Variants in LRRC47 observed in about 807,000 individuals in gnomAD.
The protein encoded by LRRC47 is leucine rich repeat containing 47, also known as leucine-rich repeat-containing protein 47.
In LRRC47, 31 loss-of-function variants were observed where a neutral mutation model predicts 40.9. The ratio of observed to expected loss-of-function variants is 0.76; its 90% CI spans 0.57 to 1.02. The LOEUF is 1.02. Among genes scored for constraint, LRRC47 ranks in the 50% least tolerant of loss-of-function variants. The pLI, the probability that LRRC47 is intolerant of heterozygous loss-of-function variation, is 0.00. For missense variants in LRRC47, 726 were observed against 796.1 expected (o/e 0.91, Z 1.06); for synonymous variants, 427 against 371.9 (o/e 1.15, Z -1.70).
chr1:3,782,629 G>C, intron 5 of LRRC47, 32 bp downstream of exon 5: 6 of 1,229,440 alleles, frequency 4.9e-6, no homozygotes, highest in Non-Finnish European at 7.2e-6. Context: ...CAGCCTAGAA[G>C]ACACACCATG....
intron 1 of LRRC47, 152 bp downstream of exon 1, chr1:3,795,710 C>T: frequency 2.8e-6 from 3 of 1,058,306 alleles, no homozygotes; most frequent in Non-Finnish European, 2.6e-6. Flanking sequence ...GGGGTGATGC[C>T]CCCCGCAGCT....
At chr1:3,792,464 C>CATTTT in intron 1 of LRRC47, among the ~76,000 whole-genome samples, 1 of 142,418 alleles carries the variant, frequency 7.0e-6, no homozygotes, top group East Asian at 2.1e-4. Flanking sequence ...TGGACGCACA[C>CATTTT]TTTTTTTTTT....
chr1:3,787,004 G>C lies in LRRC47; in HGVS notation c.922C>G (p.Leu308Val). The change falls in exon 2 of 7, where the codon CTG (leucine) becomes GTG (valine). Residue 308 changes from leucine (L) to valine (V), a missense_variant. Transcript: ENST00000378251. Reference sequence around the variant, plus strand: ...TCAGAGACGTGCAGGACCCTGAGCAGCAGCCGGCCGGCATCTCCCACGTCC... The same window carrying C: ...TCAGAGACGTGCAGGACCCTGAGCACCAGCCGGCCGGCATCTCCCACGTCC... ...EQDVGDAGRL[L>V]LRVLHVSENP... The C allele has an allele frequency of 6.2e-7, 1 of 1,611,658 alleles. No individual in the cohort carries two copies. The highest frequency in any genetic ancestry group is 2.2e-5 in the East Asian group (1 of 44,778).
rs111453641 is a variant in LRRC47, at chr1:3,793,278, G to A, written c.615+2584C>T. The stretch of plus-strand genomic sequence containing the variant: ...AGGCATGTGCCACCATGCCCAGCTA[G>A]AGATGGGTTTCTCCATGTTGGTCAG... On this transcript the variant is annotated intron_variant, in intron 1 of 6. Transcript: ENST00000378251. 3.1e-3 allele frequency among the ~76,000 whole-genome samples: 475 copies of A among 152,124 alleles called. 1 individual carries two copies. Among genetic ancestry groups the A allele is most frequent in the African/African-American group, 0.011 (450 of 41,488 alleles).
intron 4 of LRRC47, among the ~76,000 whole-genome samples, chr1:3,783,529 C>T (rs1357164793): frequency 6.6e-6 from 1 of 151,854 alleles, no homozygotes; most frequent in Non-Finnish European, 1.5e-5. Flanking sequence ...CCAAGCATAA[C>T]AAGCTTCAAA....
rs1331394358 is a variant in LRRC47, at chr1:3,779,269, A to G, written c.*1819T>C. 6.6e-6 allele frequency: 1 copy of G among 152,268 alleles called. No homozygotes were observed. The highest frequency in any genetic ancestry group is 1.9e-4 in the East Asian group (1 of 5,202). 9.4% of individuals were successfully genotyped at this position (152,268 alleles called of 1,614,324 possible). A position where few individuals can be genotyped will look rare whatever the true frequency, so the allele number is the denominator to read the frequency against. ...AGGGCCCCGGGCCTCTCAGGTTGAC[A>G]ACTAAAGGTGTGTGGGCTGTGGGGC... On this transcript the variant is annotated 3_prime_UTR_variant, in exon 7 of 7. Coordinates refer to ENST00000378251, the MANE Select transcript of LRRC47 (RefSeq NM_020710.3).
At chr1:3,782,383 C>T (rs12122058) in intron 5 of LRRC47, among the ~76,000 whole-genome samples, 7,606 of 152,094 alleles carry the variant, frequency 0.05, 271 homozygotes, top group Middle Eastern at 0.12. Context: ...TATGCTCAGC[C>T]TTCCAGGTTC....
Position 3,796,488 on chromosome 1 carries a change from T to A in LRRC47, c.-12A>T, listed in dbSNP as rs781390552. 27 of 1,502,124 alleles carry A rather than the reference T, an allele frequency of 1.8e-5. No homozygotes were observed. The East Asian group carries it at 5.2e-4, about 29-fold the overall frequency. The allele number at this position is 1,502,124 out of a possible 1,614,324, so 93.0% of individuals were successfully genotyped here. ...GCTGCCGCCGCCATGGCGCCTCAGC[T>A]GCTGGCAGGCACCCACCCACCAGGG... On this transcript the variant is annotated 5_prime_UTR_variant, in exon 1 of 7. Coordinates refer to ENST00000378251, the MANE Select transcript of LRRC47 (RefSeq NM_020710.3).
rs1256004749 is a variant in LRRC47 at position 3,796,377 on chromosome 1, G to A, written c.100C>T (p.Arg34Ter). The A allele has an allele frequency of 6.6e-7, 1 of 1,512,482 alleles. No homozygotes were observed. The highest frequency in any genetic ancestry group is 8.8e-7 in the Non-Finnish European group (1 of 1,138,164). The allele number at this position is 1,512,482 out of a possible 1,614,324, so 93.7% of individuals were successfully genotyped here. A position where few individuals can be genotyped will look rare whatever the true frequency, so the allele number is the denominator to read the frequency against. Residue 34 changes from arginine to a stop codon, truncating the protein, a stop_gained, in exon 1 of 7, where the codon CGA (arginine) becomes TGA (stop). Coordinates refer to ENST00000378251, the MANE Select transcript of LRRC47 (RefSeq NM_020710.3). LOFTEE classifies it high-confidence loss of function. ...LLLTGPGLEE[R>*]VRAAGGQLPP... Reference sequence around the variant, plus strand: ...AGCTGCCCACCCGCCGCCCGCACTCGCTCCTCCAGCCCGGGCCCCGTCAGC... The same window carrying A: ...AGCTGCCCACCCGCCGCCCGCACTCACTCCTCCAGCCCGGGCCCCGTCAGC...
rs1197476251 is a variant in LRRC47 at position 3,780,526 on chromosome 1, T to C, written c.*562A>G. The C allele has an allele frequency of 6.5e-6, 1 of 153,938 alleles. No individual in the cohort carries two copies. The highest frequency in any genetic ancestry group is 1.4e-5 in the Non-Finnish European group (1 of 69,262). 9.5% of individuals were successfully genotyped at this position (153,938 alleles called of 1,614,324 possible). The stretch of plus-strand genomic sequence containing the variant: ...TCAGAACATTTTGAACAGTTAATTC[T>C]GACACTTGAATAATCCCATCAAAAA... On this transcript the variant is annotated 3_prime_UTR_variant, in exon 7 of 7. Transcript: ENST00000378251.
intron 2 of LRRC47, among the ~76,000 whole-genome samples, chr1:3,786,049 C>T (rs771959528): frequency 4.6e-5 from 7 of 151,880 alleles, no homozygotes; most frequent in Admixed American, 2.6e-4. Context: ...TTTGTGTTTT[C>T]GGTAGAGATG....
Position 3,795,913 on chromosome 1 carries a change from G to C in LRRC47, c.564C>G (p.Asp188Glu). 6.3e-7 allele frequency: 1 copy of C among 1,599,232 alleles called. No individual in the cohort carries two copies. Among genetic ancestry groups the C allele is most frequent in the Non-Finnish European group, 8.5e-7 (1 of 1,177,098 alleles). The change falls in exon 1 of 7, where the codon GAC (aspartate) becomes GAG (glutamate). Residue 188 changes from aspartate (D) to glutamate (E), a missense_variant. Physicochemically the swap from Asp to Glu is conservative, Grantham distance 45 (BLOSUM62 2). Coordinates refer to ENST00000378251, the MANE Select transcript of LRRC47 (RefSeq NM_020710.3). ...CGGGGCTGAGTTCTCGGAGGCAGTT[G>C]TCAGCAGCCGCCAGTTCACTGAGCA... ...LPLLSELAAA[D>E]NCLRELSPDI...
intron 3 of LRRC47, 80 bp downstream of exon 3, chr1:3,785,007 G>T: frequency 2.8e-6 from 3 of 1,065,398 alleles, no homozygotes; most frequent in Non-Finnish European, 3.9e-6. Flanking sequence ...AAAAAAAAAA[G>T]TTCGGGCTGC....
At chr1:3,792,501 C>T (rs1643636003) in intron 1 of LRRC47, among the ~76,000 whole-genome samples, 2 of 149,112 alleles carry the variant, frequency 1.3e-5, no homozygotes, top group Non-Finnish European at 3.0e-5. Context: ...CACTTTCTCA[C>T]CCAGGCTGGA....
At chr1:3,792,446 C>G (rs1345488738) in intron 1 of LRRC47, among the ~76,000 whole-genome samples, 1 of 147,828 alleles carries the variant, frequency 6.8e-6, no homozygotes, top group Non-Finnish European at 1.5e-5. Context: ...GCAGGTGCTA[C>G]AGAGAGCTGG....
rs545100119 is a variant in LRRC47 at position 3,787,001 on chromosome 1, G to A, written c.925C>T (p.Leu309Phe). Reference protein sequence around the residue: ...QDVGDAGRLLLRVLHVSENPV... With the variant: ...QDVGDAGRLLFRVLHVSENPV... ...TTTTCAGAGACGTGCAGGACCCTGAGCAGCAGCCGGCCGGCATCTCCCACG... is the reference window on the plus strand; with the variant it reads ...TTTTCAGAGACGTGCAGGACCCTGAACAGCAGCCGGCCGGCATCTCCCACG... The change falls in exon 2 of 7, where the codon CTC (leucine) becomes TTC (phenylalanine). Residue 309 changes from leucine to phenylalanine, a missense_variant. Physicochemically the swap from Leu to Phe is conservative, Grantham distance 22. Transcript: ENST00000378251. 7 of 1,611,772 alleles carry A rather than the reference G, an allele frequency of 4.3e-6. No homozygotes were observed. The East Asian group carries it at 1.6e-4, about 36-fold the overall frequency.
chr1:3,781,246 G>T lies in LRRC47; in HGVS notation c.1594C>A (p.Pro532Thr), dbSNP rs754414138. 2 of 1,614,234 alleles carry T rather than the reference G, an allele frequency of 1.2e-6. No individual in the cohort carries two copies. Among genetic ancestry groups the T allele is most frequent in the South Asian group, 1.1e-5 (1 of 91,090 alleles). Reference sequence around the variant, plus strand: ...GCACTGGGATTCGTTGTGGGATCTGGAAGTTGTCCAGAGACTGCATCGGCT... The same window carrying T: ...GCACTGGGATTCGTTGTGGGATCTGTAAGTTGTCCAGAGACTGCATCGGCT... Reference protein sequence around the residue: ...TEADAVSGQLPDPTTNPSAGK... With the variant: ...TEADAVSGQLTDPTTNPSAGK... Residue 532 changes from proline (P) to threonine (T), a missense_variant, in exon 7 of 7, where the codon CCA (proline) becomes ACA (threonine). Coordinates refer to ENST00000378251, the MANE Select transcript of LRRC47 (RefSeq NM_020710.3).
intron 1 of LRRC47, among the ~76,000 whole-genome samples, chr1:3,788,604 G>A (rs1643599064): frequency 6.6e-6 from 1 of 152,080 alleles, no homozygotes; most frequent in Non-Finnish European, 1.5e-5. Context: ...AAGTTGTGAA[G>A]GAAATGAAAA....
chr1:3,796,169 A>G lies in LRRC47; in HGVS notation c.308T>C (p.Val103Ala). 1.4e-6 allele frequency: 2 copies of G among 1,441,748 alleles called. No individual in the cohort carries two copies. Among genetic ancestry groups the G allele is most frequent in the Non-Finnish European group, 1.8e-6 (2 of 1,104,184 alleles). 89.3% of individuals were successfully genotyped at this position (1,441,748 alleles called of 1,614,324 possible). ...PELGPLPALRVLDLSGNALEA... is the reference protein window; with the variant it reads ...PELGPLPALRALDLSGNALEA... ...CAGCGCGTTGCCCGACAGGTCGAGCACCCGAAGGGCAGGCAGCGGCCCGAG... is the reference window on the plus strand; with the variant it reads ...CAGCGCGTTGCCCGACAGGTCGAGCGCCCGAAGGGCAGGCAGCGGCCCGAG... The change falls in exon 1 of 7, where the codon GTG becomes GCG. Residue 103 changes from valine to alanine, a missense_variant. Coordinates refer to ENST00000378251, the MANE Select transcript of LRRC47 (RefSeq NM_020710.3).
Sources: allele counts gnomAD v4.1 joint callset (sites outside exome capture counted in the v4.1 genomes callset), GRCh38; gene constraint gnomAD v4.1.1; transcripts MANE v1.5; gene names NCBI Gene and HGNC (gene_info 2026-07-23, HGNC 2026-07-21).